PTPRA: variants seen among roughly 807,000 people sequenced by gnomAD.
The protein encoded by PTPRA is protein tyrosine phosphatase receptor type A, also known as receptor-type tyrosine-protein phosphatase alpha.
A neutral mutation model predicts 104.8 loss-of-function variants in PTPRA; 25 were observed. That is an observed-to-expected ratio of 0.24 (90% confidence interval 0.17 to 0.33). The LOEUF (loss-of-function observed/expected upper bound fraction) is 0.33, where lower values mean the gene tolerates loss of function less well. Among genes scored for constraint, PTPRA ranks in the 10% least tolerant of loss-of-function variants. The pLI, the probability that PTPRA is intolerant of heterozygous loss-of-function variation, is 1.00. For missense variants in PTPRA, 765 were observed against 1,015.3 expected (o/e 0.75, Z 3.35); for synonymous variants, 323 against 368.9 (o/e 0.88, Z 1.43).
At chr20:2,951,802 A>G (rs1169107343) in intron 3 of PTPRA, among the ~76,000 whole-genome samples, 1 of 152,190 alleles carries the variant, frequency 6.6e-6, no homozygotes, top group East Asian at 1.9e-4. Flanking sequence ...GTCAGCGGCA[A>G]TCATCTTGTG....
At chr20:2,960,524 G>A (rs2061715848) in intron 3 of PTPRA, among the ~76,000 whole-genome samples, 1 of 151,886 alleles carries the variant, frequency 6.6e-6, no homozygotes, top group African/African-American at 2.4e-5. Context: ...TGGGATTACA[G>A]GCATGAGCCA....
intron 1 of PTPRA, among the ~76,000 whole-genome samples, chr20:2,887,491 G>T (rs528229106): frequency 3.5e-4 from 53 of 152,246 alleles, no homozygotes; most frequent in Non-Finnish European, 7.1e-4. Context: ...GAGATACATG[G>T]ACAAGTATGA....
intron 2 of PTPRA, among the ~76,000 whole-genome samples, chr20:2,938,928 T>C (rs2147622220): frequency 6.6e-6 from 1 of 152,340 alleles, no homozygotes; most frequent in East Asian, 1.9e-4. Flanking sequence ...GAGATTTTCA[T>C]GTTCCTGGTA....
chr20:2,930,022 G>A (rs973031796), intron 2 of PTPRA, among the ~76,000 whole-genome samples: 1 of 152,114 alleles, frequency 6.6e-6, no homozygotes, highest in Non-Finnish European at 1.5e-5. Flanking sequence ...GGTCTCATAG[G>A]AAACCAAACT....
intron 1 of PTPRA, among the ~76,000 whole-genome samples, chr20:2,910,476 T>G (rs1432045635): frequency 9.0e-6 from 1 of 110,958 alleles, no homozygotes; most frequent in Non-Finnish European, 1.7e-5. Context: ...AATTTTTATA[T>G]ATACTTTTTT....
chr20:2,910,139 ACAT>A (rs1325984422), intron 1 of PTPRA, among the ~76,000 whole-genome samples: 109 of 111,376 alleles, frequency 9.8e-4, no homozygotes, highest in African/African-American at 2.6e-3. Context: ...ATGATATATA[ACAT>A]CATATATACT....
chr20:2,881,597 C>A (rs2090054567), intron 1 of PTPRA, among the ~76,000 whole-genome samples: 1 of 152,146 alleles, frequency 6.6e-6, no homozygotes, highest in African/African-American at 2.4e-5. Context: ...CTCACTGCAG[C>A]ATTGAACTCC....
At chr20:2,959,927 G>C in intron 3 of PTPRA, among the ~76,000 whole-genome samples, 1 of 151,970 alleles carries the variant, frequency 6.6e-6, no homozygotes, top group East Asian at 1.9e-4. Context: ...CTCCAGCCTG[G>C]GCAACAGAGT....
intron 2 of PTPRA, among the ~76,000 whole-genome samples, chr20:2,926,028 T>G (rs560075598): frequency 1.3e-5 from 2 of 152,310 alleles, no homozygotes; most frequent in East Asian, 1.9e-4. Context: ...GGCTTCAATT[T>G]CTTTACATTC....
At chr20:2,902,480 ACTCATT>A (rs2147118084) in intron 1 of PTPRA, among the ~76,000 whole-genome samples, 1 of 152,208 alleles carries the variant, frequency 6.6e-6, no homozygotes, top group Non-Finnish European at 1.5e-5. Flanking sequence ...TAGGCAGTAA[ACTCATT>A]CTTGGCAGCT....
rs562139443 is a variant in PTPRA at position 2,999,065 on chromosome 20, A to G, written c.739-5991A>G. Among the ~76,000 whole-genome samples, 71 of 152,164 alleles carry G rather than the reference A, an allele frequency of 4.7e-4. 1 individual carries two copies. In the South Asian group the frequency reaches 6.0e-3, roughly 13 times the overall value. On this transcript the variant is annotated intron_variant, in intron 9 of 23. Transcript: ENST00000399903. The stretch of plus-strand genomic sequence containing the variant: ...GATACAGAAGCAGCATAAAAATTTA[A>G]TGCATTTCTATACATAGGCCACAAA...
At chr20:2,958,321 T>A (rs1488271792) in intron 3 of PTPRA, among the ~76,000 whole-genome samples, 5 of 151,860 alleles carry the variant, frequency 3.3e-5, no homozygotes, top group African/African-American at 1.2e-4. Flanking sequence ...TTGTCGTGAG[T>A]GGCCCAAGTG....
At chr20:2,990,638 G>A (rs1230881211) in intron 9 of PTPRA, among the ~76,000 whole-genome samples, 1 of 152,138 alleles carries the variant, frequency 6.6e-6, no homozygotes, top group Non-Finnish European at 1.5e-5. Flanking sequence ...AGATGAGGTG[G>A]GAGTATCGCT....
intron 1 of PTPRA, among the ~76,000 whole-genome samples, chr20:2,904,666 C>CAAAAA (rs397865578): frequency 7.6e-5 from 5 of 66,046 alleles, no homozygotes; most frequent in Non-Finnish European, 6.0e-5. Context: ...GACTCCGTCT[C>CAAAAA]AAAAAAAAAA....
At chr20:2,907,991 TAAAC>T (rs2059488937) in intron 1 of PTPRA, among the ~76,000 whole-genome samples, 1 of 152,184 alleles carries the variant, frequency 6.6e-6, no homozygotes, top group African/African-American at 2.4e-5. Flanking sequence ...TTAATACTCT[TAAAC>T]AAGTTTATTT....
intron 9 of PTPRA, among the ~76,000 whole-genome samples, chr20:3,001,488 A>G (rs2063624180): frequency 6.6e-6 from 1 of 152,186 alleles, no homozygotes; most frequent in African/African-American, 2.4e-5. Flanking sequence ...CGTCTGTTCT[A>G]CATTTTAGAG....
At chr20:3,015,187 G>T (rs1462701935) in intron 11 of PTPRA, among the ~76,000 whole-genome samples, 2 of 152,154 alleles carry the variant, frequency 1.3e-5, no homozygotes, top group African/African-American at 4.8e-5. Flanking sequence ...TTTTCCCCTG[G>T]TGGGTTCTTA....
At chr20:2,912,371 C>T (rs1407039281) in intron 1 of PTPRA, among the ~76,000 whole-genome samples, 1 of 151,776 alleles carries the variant, frequency 6.6e-6, no homozygotes, top group Non-Finnish European at 1.5e-5. Context: ...TATTAATTAT[C>T]CTAGCACTTT....
intron 6 of PTPRA, among the ~76,000 whole-genome samples, chr20:2,978,733 A>T (rs995077273): frequency 6.6e-6 from 1 of 152,216 alleles, no homozygotes; most frequent in African/African-American, 2.4e-5. Context: ...GTTTGTAACC[A>T]TACTGTCTCT....
Sources: gnomAD v4.1 joint callset for allele counts (sites outside exome capture counted in the v4.1 genomes callset) on GRCh38, gnomAD v4.1.1 for gene constraint, MANE v1.5 for transcripts, NCBI Gene and HGNC (gene_info 2026-07-23, HGNC 2026-07-21) for gene names.